MARCHF1: variants seen among roughly 807,000 people sequenced by gnomAD.
MARCHF1 encodes the protein E3 ubiquitin-protein ligase MARCHF1.
MARCHF1 carries 40 observed loss-of-function variants against 54.2 expected under a neutral mutation model. That is an observed-to-expected ratio of 0.74 (90% CI 0.57 to 0.96). MARCHF1 has a LOEUF of 0.96. Ranked by LOEUF, MARCHF1 falls within the 40% of genes least tolerant of loss-of-function variation. MARCHF1 has a pLI of 0.00. For synonymous variants in MARCHF1, 236 were observed against 236.3 expected (o/e 1.00, Z 0.01); for missense variants, 586 against 656.5 (o/e 0.89, Z 1.17).
At chr4:164,155,757 C>T (rs1278292401) in intron 1 of MARCHF1, among the ~76,000 whole-genome samples, 1 of 152,032 alleles carries the variant, frequency 6.6e-6, no homozygotes, top group Non-Finnish European at 1.5e-5. Flanking sequence ...ACAGACTTCA[C>T]CACTATACAA....
intron 3 of MARCHF1, among the ~76,000 whole-genome samples, chr4:163,910,199 C>T (rs1427224219): frequency 6.6e-6 from 1 of 152,048 alleles, no homozygotes; most frequent in African/African-American, 2.4e-5. Flanking sequence ...AAATTATATA[C>T]AAATATATAA....
At chr4:164,028,853 T>C (rs1460626739) in intron 2 of MARCHF1, among the ~76,000 whole-genome samples, 1 of 152,182 alleles carries the variant, frequency 6.6e-6, no homozygotes, top group Non-Finnish European at 1.5e-5. Flanking sequence ...GTTTCTATTG[T>C]CTCAGAAAGT....
chr4:164,049,522 A>T (rs1218809505), intron 2 of MARCHF1, among the ~76,000 whole-genome samples: 1 of 152,212 alleles, frequency 6.6e-6, no homozygotes, highest in Non-Finnish European at 1.5e-5. Flanking sequence ...TAGCACAAGT[A>T]CTAAACTGTT....
intron 4 of MARCHF1, among the ~76,000 whole-genome samples, chr4:163,804,249 C>T (rs575276670): frequency 6.6e-6 from 1 of 152,296 alleles, no homozygotes; most frequent in East Asian, 1.9e-4. Flanking sequence ...GAACTCAAAA[C>T]AGAAACTTTT....
At chr4:163,665,899 G>GT in intron 5 of MARCHF1, among the ~76,000 whole-genome samples, 1 of 152,262 alleles carries the variant, frequency 6.6e-6, no homozygotes, top group South Asian at 2.1e-4. Flanking sequence ...AGAGGTTAGA[G>GT]TTTTTGGATG....
chr4:163,869,267 T>C (rs1321164408), intron 3 of MARCHF1, among the ~76,000 whole-genome samples: 5 of 152,108 alleles, frequency 3.3e-5, no homozygotes, highest in African/African-American at 4.8e-5. Flanking sequence ...TTACGCAAGC[T>C]TAACTATGGC....
At position 163,528,859 on chromosome 4, in the gene MARCHF1, T is replaced by A. The variant is rs776937795; in HGVS notation, c.1527A>T (p.Ser509=). Residue 509 remains serine, a synonymous_variant, in exon 10 of 10, where the codon TCA becomes TCT. Transcript: ENST00000514618. The part of the protein sequence containing the change: ...DTAKKLEKNF[S]CNVNTDIKDA... ...CTTTGATGTCTGTGTTTACATTACA[T>A]GAGAAGTTCTTCTCCAGTTTTTTGG... is the stretch of plus-strand genomic sequence containing the variant. The A allele has an allele frequency of 1.9e-6, 3 of 1,613,348 alleles. No homozygotes were observed. The highest frequency in any genetic ancestry group is 2.2e-5 in the East Asian group (1 of 44,864).
At chr4:164,231,539 G>A (rs1043023597) in intron 1 of MARCHF1, among the ~76,000 whole-genome samples, 1 of 152,054 alleles carries the variant, frequency 6.6e-6, no homozygotes, top group Non-Finnish European at 1.5e-5. Flanking sequence ...AGAGATGTGT[G>A]AAAAGAACAC....
At chr4:163,625,860 A>G (rs899869190) in intron 5 of MARCHF1, among the ~76,000 whole-genome samples, 1 of 152,200 alleles carries the variant, frequency 6.6e-6, no homozygotes, top group African/African-American at 2.4e-5. Flanking sequence ...TTTAAAAAGA[A>G]AACACTGTAA....
chr4:164,126,135 T>A (rs1579555532), intron 1 of MARCHF1, among the ~76,000 whole-genome samples: 1 of 152,236 alleles, frequency 6.6e-6, no homozygotes, highest in Non-Finnish European at 1.5e-5. Flanking sequence ...GTCTGGATGC[T>A]TTTGTCCTTC....
intron 4 of MARCHF1, among the ~76,000 whole-genome samples, chr4:163,722,156 T>G (rs1745491421): frequency 6.6e-6 from 1 of 152,184 alleles, no homozygotes; most frequent in Admixed American, 6.5e-5. Flanking sequence ...TGCTTTCTCT[T>G]GTGGGCATTT....
chr4:163,710,848 A>C (rs1224884333), intron 4 of MARCHF1, among the ~76,000 whole-genome samples: 1 of 152,174 alleles, frequency 6.6e-6, no homozygotes, highest in East Asian at 1.9e-4. Context: ...TTTTACTTCA[A>C]TTGCTTGTAT....
chr4:164,095,678 T>C (rs1755395955), intron 2 of MARCHF1, among the ~76,000 whole-genome samples: 1 of 152,106 alleles, frequency 6.6e-6, no homozygotes, highest in East Asian at 1.9e-4. Context: ...TCCCTATCTC[T>C]GAAATTATTC....
At chr4:164,328,733 T>C (rs1266090890) in intron 1 of MARCHF1, among the ~76,000 whole-genome samples, 6 of 152,198 alleles carry the variant, frequency 3.9e-5, no homozygotes. Flanking sequence ...TTTCACCATG[T>C]TGCCCAGGCT....
At chr4:164,309,283 T>C (rs77262770) in intron 1 of MARCHF1, among the ~76,000 whole-genome samples, 2,590 of 149,182 alleles carry the variant, frequency 0.017, 71 homozygotes, top group East Asian at 0.12. Context: ...TGTGTGTGTG[T>C]GCGCGTGTGT....
chr4:163,796,866 G>A (rs1047268734), intron 4 of MARCHF1, among the ~76,000 whole-genome samples: 13 of 152,088 alleles, frequency 8.5e-5, no homozygotes, highest in Non-Finnish European at 1.9e-4. Context: ...TGTCCTAAGA[G>A]TGCTTTAGAT....
At chr4:164,214,987 A>G (rs1196793115) in intron 1 of MARCHF1, among the ~76,000 whole-genome samples, 2 of 152,140 alleles carry the variant, frequency 1.3e-5, no homozygotes, top group Admixed American at 1.3e-4. Flanking sequence ...GGCAGTGTCT[A>G]GGGGTGAATG....
intron 1 of MARCHF1, among the ~76,000 whole-genome samples, chr4:164,183,079 T>C (rs1358947611): frequency 6.6e-6 from 1 of 152,098 alleles, no homozygotes; most frequent in Non-Finnish European, 1.5e-5. Flanking sequence ...TTATTTTATA[T>C]TTTTACAACT....
rs186645831 is a variant in MARCHF1, at chr4:164,104,934, A to C, written c.-248+6654T>G. Among the ~76,000 whole-genome samples, 2 of 65,224 alleles carry C rather than the reference A, an allele frequency of 3.1e-5. 1 individual carries two copies. The highest frequency in any genetic ancestry group is 7.4e-5 in the African/African-American group (2 of 26,974). 42.8% of individuals were successfully genotyped at this position (65,224 alleles called of 152,430 possible). A position where few individuals can be genotyped will look rare whatever the true frequency, so the allele number is the denominator to read the frequency against. On this transcript the variant is annotated intron_variant, in intron 2 of 9. Transcript: ENST00000514618. ...TCAGCAAAGTCTCAGATATAAAATCAATGTACAAAAATCACAAGCATTCTT... is the reference window on the plus strand; with the variant it reads ...TCAGCAAAGTCTCAGATATAAAATCCATGTACAAAAATCACAAGCATTCTT...
Sources: allele counts gnomAD v4.1 joint callset (sites outside exome capture counted in the v4.1 genomes callset), GRCh38; gene constraint gnomAD v4.1.1; transcripts MANE v1.5; gene names NCBI Gene and HGNC (gene_info 2026-07-23, HGNC 2026-07-21).